The following GDE1 variants were observed in gnomAD, a reference collection of about 807,000 sequenced individuals.
GDE1 encodes glycerophosphodiester phosphodiesterase 1.
In GDE1, 24 loss-of-function variants were observed where a neutral mutation model predicts 32.2. That is an observed-to-expected ratio of 0.75 (90% CI 0.54 to 1.05). The LOEUF is 1.05. Among genes scored for constraint, GDE1 ranks in the 50% least tolerant of loss-of-function variants. GDE1 has a pLI of 0.00. For missense variants in GDE1, 380 were observed against 415.0 expected (o/e 0.92, Z 0.73); for synonymous variants, 159 against 158.6 (o/e 1.00, Z -0.02).
chr16:19,508,209 C>T (rs1969272765), intron 3 of GDE1, among the ~76,000 whole-genome samples: 1 of 152,108 alleles, frequency 6.6e-6, no homozygotes, highest in African/African-American at 2.4e-5. Context: ...ATAGATTTCT[C>T]AGTCCAGGGG....
chr16:19,521,842 T>C lies in GDE1; in HGVS notation c.123A>G (p.Leu41=). 2.5e-6 allele frequency: 4 copies of C among 1,609,904 alleles called. No homozygotes were observed. The highest frequency in any genetic ancestry group is 2.2e-5 in the East Asian group (1 of 44,678). ...CCGGCTCAAAGCTGAAGACGCGCAG[T>C]AGAACGAAGAGGCTGCCGGTGAGGA... ...ACLLTGSLFV[L]LRVFSFEPVP... is the part of the protein sequence containing the mutation. Residue 41 remains leucine (L), a synonymous_variant, in exon 1 of 6, where the codon CTA becomes CTG. Transcript: ENST00000353258.
chr16:19,515,684 A>C (rs2151448720), intron 2 of GDE1, among the ~76,000 whole-genome samples: 1 of 152,268 alleles, frequency 6.6e-6, no homozygotes, highest in Middle Eastern at 3.4e-3. Context: ...TGTTACCAAT[A>C]TTCTTTCCTG....
At chr16:19,508,789 A>G (rs1231700333) in intron 3 of GDE1, among the ~76,000 whole-genome samples, 2 of 152,200 alleles carry the variant, frequency 1.3e-5, no homozygotes, top group Non-Finnish European at 2.9e-5. Flanking sequence ...CCCTGTAGTA[A>G]GAGCTCAGTC....
At chr16:19,518,034 C>T (rs929325771) in intron 1 of GDE1, among the ~76,000 whole-genome samples, 1 of 151,830 alleles carries the variant, frequency 6.6e-6, no homozygotes, top group Non-Finnish European at 1.5e-5. Flanking sequence ...ACTACTGGCA[C>T]GTGCCACCAT....
At chr16:19,504,689 G>T (rs939419082) in intron 5 of GDE1, 192 bp downstream of exon 5, 7 of 534,884 alleles carry the variant, frequency 1.3e-5, no homozygotes, top group South Asian at 8.0e-5. Context: ...ATATGTGATC[G>T]ACTCGGTCTG....
chr16:19,503,292 T>C lies in GDE1; in HGVS notation c.*178A>G. On this transcript the variant is annotated 3_prime_UTR_variant, in exon 6 of 6. Transcript: ENST00000353258. ...AACAGTGTTGAACTCTGGCATGCCA[T>C]GGTGCATGGTGGCAACACCGGGTTT... The C allele has an allele frequency of 1.7e-6, 1 of 599,804 alleles. No homozygotes were observed. Among genetic ancestry groups the C allele is most frequent in the Non-Finnish European group, 2.9e-6 (1 of 341,592 alleles). 37.2% of individuals were successfully genotyped at this position (599,804 alleles called of 1,614,324 possible).
Position 19,510,887 on chromosome 16 carries a change from T to C in GDE1, c.495A>G (p.Leu165=). 2.5e-6 allele frequency: 4 copies of C among 1,606,404 alleles called. No homozygotes were observed. Among genetic ancestry groups the C allele is most frequent in the Non-Finnish European group, 3.4e-6 (4 of 1,174,862 alleles). Residue 165 remains leucine (L), a synonymous_variant, in exon 3 of 6, where the codon CTA becomes CTG. Transcript: ENST00000353258. The part of the protein sequence containing the change: ...PTLREAVAEC[L]NHNLTIFFDV... ...CAAAGAAGATTGTGAGGTTATGGTT[T>C]AGGCACTCTGCAACAGCTTCCCTTA...
At chr16:19,508,630 A>G (rs1377307282) in intron 3 of GDE1, among the ~76,000 whole-genome samples, 1 of 145,760 alleles carries the variant, frequency 6.9e-6, no homozygotes, top group African/African-American at 2.7e-5. Context: ...AGCTATAGAA[A>G]GCATTTTTTT....
intron 2 of GDE1, among the ~76,000 whole-genome samples, chr16:19,513,428 G>T (rs114065440): frequency 0.018 from 2,676 of 151,936 alleles, 90 homozygotes; most frequent in African/African-American, 0.062. Context: ...TTTACGTATA[G>T]ACATGCTACT....
chr16:19,507,716 A>G lies in GDE1; in HGVS notation c.607T>C (p.Cys203Arg), dbSNP rs1441325825. The change falls in exon 4 of 6, where the codon TGT becomes CGT. Residue 203 changes from cysteine to arginine, a missense_variant. Physicochemically the swap from Cys to Arg is radical, Grantham distance 180. Coordinates refer to ENST00000353258, the MANE Select transcript of GDE1 (RefSeq NM_016641.4). ...TAGATAACTTCTGGCAAGAAAGAAC[A>G]GACCACACTATTATTATACAGTTGA... ...FPQLYNNSVV[C>R]SFLPEVIYKM... is the part of the protein sequence containing the mutation. The G allele has an allele frequency of 1.3e-6, 2 of 1,579,680 alleles. No individual in the cohort carries two copies. The highest frequency in any genetic ancestry group is 1.7e-6 in the Non-Finnish European group (2 of 1,148,702).
rs998334154 is a variant in GDE1, at chr16:19,504,806, C to G, written c.848+75G>C. On this transcript the variant is annotated intron_variant, in intron 5 of 5. Transcript: ENST00000353258. ...GGTCAGAACCAATTCAGGTTGTCTA[C>G]TCTGTTAATCCTTCCTTTCAAATAA... 13 of 935,428 alleles carry G rather than the reference C, an allele frequency of 1.4e-5. No individual in the cohort carries two copies. In the African/African-American group the frequency reaches 2.2e-4, roughly 15 times the overall value. The allele number at this position is 935,428 out of a possible 1,614,324, so 57.9% of individuals were successfully genotyped here.
intron 1 of GDE1, among the ~76,000 whole-genome samples, chr16:19,520,975 G>A (rs1289387160): frequency 6.6e-6 from 1 of 152,166 alleles, no homozygotes; most frequent in Non-Finnish European, 1.5e-5. Context: ...GAGTGCGAAT[G>A]TGTGTGTCTG....
chr16:19,505,200 AC>A (rs2151444626), intron 4 of GDE1, 108 bp from the exon 5 acceptor site: 2 of 752,676 alleles, frequency 2.7e-6, no homozygotes, highest in East Asian at 2.5e-5. Flanking sequence ...CATGGTTGGT[AC>A]CCTGCCCCGG....
intron 2 of GDE1, among the ~76,000 whole-genome samples, chr16:19,516,580 T>C (rs1969383203): frequency 6.6e-6 from 1 of 152,230 alleles, no homozygotes; most frequent in Non-Finnish European, 1.5e-5. Context: ...AGATGATTTC[T>C]AGGATACTCT....
rs1202806733 is a variant in GDE1 at position 19,503,199 on chromosome 16, CCTGTGTGCCTCAG to C, written c.*258_*270del. The stretch of plus-strand genomic sequence containing the variant: ...TCTGTGCTTATCCTCACTGGGTCTC[CCTGTGTGCCTCAG>C]CTAGGGCAGGGCAGGGGCTCTTGTG... On this transcript the variant is annotated 3_prime_UTR_variant, in exon 6 of 6. Transcript: ENST00000353258. 30 of 448,946 alleles carry C rather than the reference CCTGTGTGCCTCAG, an allele frequency of 6.7e-5. No homozygotes were observed. The highest frequency in any genetic ancestry group is 1.1e-4 in the Non-Finnish European group (28 of 247,354). The allele number at this position is 448,946 out of a possible 1,614,324, so 27.8% of individuals were successfully genotyped here.
intron 1 of GDE1, 158 bp downstream of exon 1, chr16:19,521,546 A>T: frequency 1.4e-6 from 1 of 723,390 alleles, no homozygotes; most frequent in Admixed American, 2.9e-5. Context: ...AAGTCCGGAG[A>T]TCCCTAGACA....
Position 19,522,021 on chromosome 16 carries a change from G to A in GDE1, c.-57C>T. The A allele has an allele frequency of 6.7e-7, 1 of 1,490,808 alleles. No homozygotes were observed. The highest frequency in any genetic ancestry group is 8.9e-7 in the Non-Finnish European group (1 of 1,118,028). The allele number at this position is 1,490,808 out of a possible 1,614,324, so 92.3% of individuals were successfully genotyped here. ...CCGGACCCGCCGGGCTCCTGGGGCAGTAGAACGAGAAGCGAGGGGGAGGGT... is the reference window on the plus strand; with the variant it reads ...CCGGACCCGCCGGGCTCCTGGGGCAATAGAACGAGAAGCGAGGGGGAGGGT... On this transcript the variant is annotated 5_prime_UTR_variant, in exon 1 of 6. Coordinates refer to ENST00000353258, the MANE Select transcript of GDE1 (RefSeq NM_016641.4).
At chr16:19,508,199 A>G (rs3794697) in intron 3 of GDE1, among the ~76,000 whole-genome samples, 56,057 of 151,946 alleles carry the variant, frequency 0.37, 12,035 homozygotes, top group African/African-American at 0.56. Flanking sequence ...ACTACAGAGG[A>G]TAGATTTCTC....
At chr16:19,506,247 A>T (rs1240583949) in intron 4 of GDE1, among the ~76,000 whole-genome samples, 1 of 150,512 alleles carries the variant, frequency 6.6e-6, no homozygotes, top group East Asian at 1.9e-4. Flanking sequence ...ACTTGGGTAA[A>T]CTCTACAAAA....
Sources: allele counts gnomAD v4.1 joint callset (sites outside exome capture counted in the v4.1 genomes callset), GRCh38; gene constraint gnomAD v4.1.1; transcripts MANE v1.5; gene names NCBI Gene and HGNC (gene_info 2026-07-23, HGNC 2026-07-21).